The following PBX1 variants were observed in gnomAD, a reference collection of about 807,000 sequenced individuals.
The protein encoded by PBX1 is PBX homeobox 1, also known as pre-B-cell leukemia transcription factor 1.
PBX1 carries 6 observed loss-of-function variants against 53.4 expected under a neutral mutation model. The ratio of observed to expected loss-of-function variants is 0.11; its 90% confidence interval spans 0.06 to 0.22. PBX1 has a LOEUF of 0.22. Among genes scored for constraint, PBX1 ranks in the 10% least tolerant of loss-of-function variants. The pLI is 1.00. For missense variants in PBX1, 251 were observed against 551.4 expected (o/e 0.46, Z 5.46); for synonymous variants, 204 against 212.3 (o/e 0.96, Z 0.34).
At chr1:164,769,252 A>T (rs1667240137) in intron 2 of PBX1, 1 of 152,148 alleles carries the variant, frequency 6.6e-6, no homozygotes, top group African/African-American at 2.4e-5. Flanking sequence ...CTCTGGCCCC[A>T]AATTATGGAT....
intron 2 of PBX1, among the ~76,000 whole-genome samples, chr1:164,669,957 C>G (rs1347853408): frequency 6.6e-6 from 1 of 152,184 alleles, no homozygotes; most frequent in Non-Finnish European, 1.5e-5. Flanking sequence ...ATGGTCTGGG[C>G]TTCTGTAAGC....
At position 164,848,527 on chromosome 1, in the gene PBX1, T is replaced by C. The variant is rs889656845; in HGVS notation, c.*1851T>C. Reference sequence around the variant, plus strand: ...TAAATGGTTTTCTTGTTGTAACTTCTGGTTAATATCAGTACCTTGATGTCA... The same window carrying C: ...TAAATGGTTTTCTTGTTGTAACTTCCGGTTAATATCAGTACCTTGATGTCA... On this transcript the variant is annotated 3_prime_UTR_variant, in exon 9 of 9. Coordinates refer to ENST00000420696, the MANE Select transcript of PBX1 (RefSeq NM_002585.4). The C allele has an allele frequency of 5.7e-6, 6 of 1,059,654 alleles. No individual in the cohort carries two copies. The African/African-American group carries it at 8.2e-5, about 15-fold the overall frequency. The allele number at this position is 1,059,654 out of a possible 1,614,324, so 65.6% of individuals were successfully genotyped here. A position where few individuals can be genotyped will look rare whatever the true frequency, so the allele number is the denominator to read the frequency against.
chr1:164,830,644 T>C (rs1480915738), intron 8 of PBX1, among the ~76,000 whole-genome samples: 1 of 152,186 alleles, frequency 6.6e-6, no homozygotes, highest in East Asian at 1.9e-4. Flanking sequence ...AAGCAGGACA[T>C]GTCTTTGAAC....
chr1:164,619,916 G>A (rs777112712), intron 2 of PBX1, among the ~76,000 whole-genome samples: 4 of 152,216 alleles, frequency 2.6e-5, no homozygotes, highest in Non-Finnish European at 5.9e-5. Flanking sequence ...GCCCATGCCT[G>A]TAATCCCAGC....
At chr1:164,728,062 T>C (rs926944520) in intron 2 of PBX1, among the ~76,000 whole-genome samples, 3 of 152,162 alleles carry the variant, frequency 2.0e-5, no homozygotes, top group African/African-American at 7.2e-5. Context: ...TGGTGGCTCA[T>C]GCCTGTAATC....
intron 2 of PBX1, among the ~76,000 whole-genome samples, chr1:164,737,230 TCA>T (rs1486890420): frequency 6.6e-6 from 1 of 152,208 alleles, no homozygotes; most frequent in African/African-American, 2.4e-5. Context: ...TCATTTATTT[TCA>T]GTTAGATTGG....
chr1:164,857,508 T>C (rs578035852), intron 2 of PBX1, among the ~76,000 whole-genome samples: 9 of 152,308 alleles, frequency 5.9e-5, no homozygotes, highest in Non-Finnish European at 1.3e-4. Flanking sequence ...CCATAGGCAT[T>C]GGTGACGCAG....
At chr1:164,707,394 G>GATGT (rs1553233441) in intron 2 of PBX1, among the ~76,000 whole-genome samples, 1 of 103,418 alleles carries the variant, frequency 9.7e-6, no homozygotes, top group East Asian at 2.9e-4. Flanking sequence ...ACACCACTGA[G>GATGT]GTGTGTGTGT....
intron 2 of PBX1, among the ~76,000 whole-genome samples, chr1:164,660,782 A>G (rs1229971734): frequency 1.3e-5 from 2 of 152,096 alleles, no homozygotes; most frequent in Admixed American, 1.3e-4. Context: ...AAAGTATATT[A>G]TTTCTTCTTC....
rs187596973 is a variant in PBX1, at chr1:164,661,193, A to G, written c.265+97882A>G. Among the ~76,000 whole-genome samples the G allele has an allele frequency of 3.3e-5, 5 of 152,284 alleles. No individual in the cohort carries two copies. In the East Asian group the frequency reaches 9.7e-4, roughly 29 times the overall value. On this transcript the variant is annotated intron_variant, in intron 2 of 8. Transcript: ENST00000420696. ...CAGAGATTGAACCCTTGCATTTCTTATCCTTTAGTTCTTCAGCATCTATAG... is the reference window on the plus strand; with the variant it reads ...CAGAGATTGAACCCTTGCATTTCTTGTCCTTTAGTTCTTCAGCATCTATAG...
In PBX1 at chr1:164,559,753, C is replaced by T. The variant is rs1652887332; in HGVS notation, c.-70C>T. The T allele has an allele frequency of 1.6e-6, 2 of 1,228,338 alleles. No individual in the cohort carries two copies. Among genetic ancestry groups the T allele is most frequent in the South Asian group, 1.5e-5 (1 of 67,430 alleles). The allele number at this position is 1,228,338 out of a possible 1,614,324, so 76.1% of individuals were successfully genotyped here. On this transcript the variant is annotated 5_prime_UTR_variant, in exon 1 of 9. Transcript: ENST00000420696. ...AAGACAAGCTTGAAGGATAAAAAGC[C>T]TTGGTGCTTCCCAGGAGCCGAGCCG...
intron 2 of PBX1, among the ~76,000 whole-genome samples, chr1:164,640,844 C>G (rs1659098512): frequency 6.6e-6 from 1 of 152,156 alleles, no homozygotes; most frequent in Non-Finnish European, 1.5e-5. Flanking sequence ...AGGCATGAGC[C>G]ACTGCAGCGG....
intron 2 of PBX1, chr1:164,769,426 A>G (rs573154298): frequency 2.6e-5 from 4 of 152,296 alleles, no homozygotes; most frequent in African/African-American, 9.6e-5. Context: ...TGGGGAAAGC[A>G]CCTTGCCCCT....
intron 8 of PBX1, chr1:164,830,089 C>T (rs546269931): frequency 7.4e-4 from 113 of 152,050 alleles, no homozygotes; most frequent in South Asian, 3.8e-3. Flanking sequence ...GATGCTCTGC[C>T]GGTTATTTGG....
intron 2 of PBX1, among the ~76,000 whole-genome samples, chr1:164,577,849 A>T (rs1654360155): frequency 6.6e-6 from 1 of 152,200 alleles, no homozygotes; most frequent in Non-Finnish European, 1.5e-5. Context: ...TCACAGGATG[A>T]ATTTCTCATC....
rs558443100 is a variant in PBX1 at position 164,613,356 on chromosome 1, C to G, written c.265+50045C>G. On this transcript the variant is annotated intron_variant, in intron 2 of 8. Transcript: ENST00000420696. ...ACTGCCCTGAACTTGTCACTCTTCT[C>G]TGAGCAGGTCACACCCCTTGCTGAC... Among the ~76,000 whole-genome samples the G allele has an allele frequency of 2.0e-5, 3 of 152,322 alleles. No individual in the cohort carries two copies. In the East Asian group the frequency reaches 5.8e-4, roughly 29 times the overall value.
chr1:164,581,314 G>T (rs1198792311), intron 2 of PBX1, among the ~76,000 whole-genome samples: 1 of 149,206 alleles, frequency 6.7e-6, no homozygotes, highest in Non-Finnish European at 1.5e-5. Flanking sequence ...TGCAACCTCC[G>T]CCTCTCGGGT....
rs1553244687 is a variant in PBX1, at chr1:164,776,978, A to AGAGG, written c.266-15515_266-15514insAGGG. ...GAGAGAGAGAGAGAGAGAGAGAGAG[A>AGAGG]GGAGGTGTGGGGGGGCGGGGGGCTG... On this transcript the variant is annotated intron_variant, in intron 2 of 8. Coordinates refer to ENST00000420696, the MANE Select transcript of PBX1 (RefSeq NM_002585.4). Among the ~76,000 whole-genome samples, 337 of 46,402 alleles carry AGAGG rather than the reference A, an allele frequency of 7.3e-3. 4 individuals carry two copies. The highest frequency in any genetic ancestry group is 0.018 in the African/African-American group (151 of 8,264). 30.4% of individuals were successfully genotyped at this position (46,402 alleles called of 152,430 possible). A position where few individuals can be genotyped will look rare whatever the true frequency, so the allele number is the denominator to read the frequency against.
At chr1:164,861,457 A>G (rs1365969353) in intron 2 of PBX1, among the ~76,000 whole-genome samples, 2 of 152,212 alleles carry the variant, frequency 1.3e-5, no homozygotes, top group Admixed American at 6.5e-5. Context: ...ATTTTAAACT[A>G]TCCATTTATT....
Sources: gnomAD v4.1 joint callset for allele counts (sites outside exome capture counted in the v4.1 genomes callset) on GRCh38, gnomAD v4.1.1 for gene constraint, MANE v1.5 for transcripts, NCBI Gene and HGNC (gene_info 2026-07-23, HGNC 2026-07-21) for gene names.